The following PIAS1 variants were observed in gnomAD, a reference collection of about 807,000 sequenced individuals.
PIAS1 encodes the protein protein inhibitor of activated STAT 1.
In PIAS1, 6 loss-of-function variants were observed where a neutral mutation model predicts 71.3. The ratio of observed to expected loss-of-function variants is 0.08; its 90% CI spans 0.05 to 0.17. The LOEUF (loss-of-function observed/expected upper bound fraction) is 0.17. Ranked by LOEUF, PIAS1 falls within the 10% of genes least tolerant of loss-of-function variation. The pLI is 1.00. For missense variants in PIAS1, 555 were observed against 793.6 expected, an observed-to-expected ratio of 0.70 and a Z score of 3.61; for synonymous variants, 303 against 292.9, an observed-to-expected ratio of 1.03 and a Z score of -0.35.
intron 1 of PIAS1, among the ~76,000 whole-genome samples, chr15:68,081,926 C>T (rs891185138): frequency 6.6e-6 from 1 of 151,648 alleles, no homozygotes; most frequent in African/African-American, 2.4e-5. Flanking sequence ...AAAGACCAAC[C>T]CCAAGGCACA....
chr15:68,101,074 A>G (rs974380164), intron 2 of PIAS1, among the ~76,000 whole-genome samples: 1 of 151,026 alleles, frequency 6.6e-6, no homozygotes, highest in African/African-American at 2.4e-5. Context: ...AATTCTTTGT[A>G]TTTTCTGTAG....
rs1022832113 is a variant in PIAS1, at chr15:68,129,986, T to C, written c.470-11960T>C. Reference sequence around the variant, plus strand: ...AATCTCTTGTGGTTTTAATTTTTGTTTTTTACAGTGAGTATTGCATATTTT... The same window carrying C: ...AATCTCTTGTGGTTTTAATTTTTGTCTTTTACAGTGAGTATTGCATATTTT... On this transcript the variant is annotated intron_variant, in intron 2 of 13. Coordinates refer to ENST00000249636, the MANE Select transcript of PIAS1 (RefSeq NM_016166.3). 2.0e-5 allele frequency among the ~76,000 whole-genome samples: 3 copies of C among 152,202 alleles called. No homozygotes were observed. In the East Asian group the frequency reaches 5.8e-4, roughly 29 times the overall value.
chr15:68,145,737 T>C (rs764968936), intron 4 of PIAS1, 79 bp from the exon 5 acceptor site: 7 of 828,228 alleles, frequency 8.5e-6, no homozygotes, highest in Middle Eastern at 3.2e-4. Context: ...TTACCATCTT[T>C]TAAATTTATC....
At chr15:68,141,611 C>A (rs1408699218) in intron 2 of PIAS1, among the ~76,000 whole-genome samples, 1 of 152,054 alleles carries the variant, frequency 6.6e-6, no homozygotes, top group Non-Finnish European at 1.5e-5. Context: ...TTATATCATT[C>A]TATTTTAAAT....
chr15:68,134,742 C>T (rs1277769491), intron 2 of PIAS1, among the ~76,000 whole-genome samples: 2 of 39,876 alleles, frequency 5.0e-5, no homozygotes, highest in Non-Finnish European at 9.7e-5. Context: ...CCCTCCCGGA[C>T]GGGGCGGCTG....
intron 1 of PIAS1, among the ~76,000 whole-genome samples, chr15:68,076,357 A>G (rs1003792528): frequency 1.3e-5 from 2 of 151,950 alleles, no homozygotes; most frequent in Non-Finnish European, 2.9e-5. Flanking sequence ...AATATAAAAG[A>G]TTAGCCAGGC....
chr15:68,114,314 T>C (rs1373627471), intron 2 of PIAS1, among the ~76,000 whole-genome samples: 1 of 152,108 alleles, frequency 6.6e-6, no homozygotes, highest in African/African-American at 2.4e-5. Context: ...TATTCTTTCC[T>C]TTAAAAATTC....
At chr15:68,180,577 A>G (rs896841867) in intron 11 of PIAS1, among the ~76,000 whole-genome samples, 1 of 151,060 alleles carries the variant, frequency 6.6e-6, no homozygotes. Flanking sequence ...AAAACTCTCC[A>G]CTACCTATTC....
chr15:68,067,336 T>C lies in PIAS1; in HGVS notation c.24+12986T>C, dbSNP rs867314871. ...TGCCTTTCTTTAGTATTCCCCTCTCTAGGCATTTGTAGGTTGTAGCTTCCT... is the reference window on the plus strand; with the variant it reads ...TGCCTTTCTTTAGTATTCCCCTCTCCAGGCATTTGTAGGTTGTAGCTTCCT... On this transcript the variant is annotated intron_variant, in intron 1 of 13. Coordinates refer to ENST00000249636, the MANE Select transcript of PIAS1 (RefSeq NM_016166.3). 1.7e-4 allele frequency among the ~76,000 whole-genome samples: 26 copies of C among 152,328 alleles called. 1 individual carries two copies. The Middle Eastern group carries it at 0.037, about 219-fold the overall frequency.
rs1362387377 is a variant in PIAS1 at position 68,193,571 on chromosome 15, C to G, written c.*5736C>G. ...GAAATATGGAAGATGGTTCTAGCCC[C>G]CAAATACAGAATAAGTCTCTTGGTA... On this transcript the variant is annotated 3_prime_UTR_variant, in exon 14 of 14. Transcript: ENST00000249636. 1 of 155,412 alleles carries G rather than the reference C, an allele frequency of 6.4e-6. No individual in the cohort carries two copies. Among genetic ancestry groups the G allele is most frequent in the Non-Finnish European group, 1.4e-5 (1 of 70,166 alleles). 9.6% of individuals were successfully genotyped at this position (155,412 alleles called of 1,614,324 possible).
chr15:68,176,698 A>C, intron 11 of PIAS1, 44 bp downstream of exon 11: 3 of 1,355,476 alleles, frequency 2.2e-6, no homozygotes, highest in Non-Finnish European at 3.0e-6. Flanking sequence ...CATGAAAATT[A>C]ACTTGGCAAA....
intron 2 of PIAS1, among the ~76,000 whole-genome samples, chr15:68,127,163 A>G (rs6494717): frequency 6.6e-6 from 1 of 151,990 alleles, no homozygotes; most frequent in Non-Finnish European, 1.5e-5. Flanking sequence ...TGACCTTGTG[A>G]TCTGCCCGCC....
intron 2 of PIAS1, among the ~76,000 whole-genome samples, chr15:68,120,887 C>T (rs753760834): frequency 6.6e-6 from 1 of 152,022 alleles, no homozygotes; most frequent in Non-Finnish European, 1.5e-5. Context: ...ACTCCTGACT[C>T]GGCCTCGCAA....
At chr15:68,091,951 G>C (rs2092335047) in intron 2 of PIAS1, among the ~76,000 whole-genome samples, 1 of 152,136 alleles carries the variant, frequency 6.6e-6, no homozygotes, top group Non-Finnish European at 1.5e-5. Context: ...TTGGAAAATT[G>C]TTAAGTCGAG....
In PIAS1 at chr15:68,191,627, T is replaced by G. The variant is rs1326694180; in HGVS notation, c.*3792T>G. 6.6e-6 allele frequency: 1 copy of G among 152,652 alleles called. No individual in the cohort carries two copies. The highest frequency in any genetic ancestry group is 2.4e-5 in the African/African-American group (1 of 41,462). 9.5% of individuals were successfully genotyped at this position (152,652 alleles called of 1,614,324 possible). A position where few individuals can be genotyped will look rare whatever the true frequency, so the allele number is the denominator to read the frequency against. On this transcript the variant is annotated 3_prime_UTR_variant, in exon 14 of 14. Coordinates refer to ENST00000249636, the MANE Select transcript of PIAS1 (RefSeq NM_016166.3). ...AGCATGCTTTGAGGTAAGTAATGAA[T>G]ATAGCCATCATTTCCCTTTCTTGTT...
At chr15:68,141,507 T>C (rs1225984079) in intron 2 of PIAS1, among the ~76,000 whole-genome samples, 4 of 152,172 alleles carry the variant, frequency 2.6e-5, no homozygotes, top group Non-Finnish European at 5.9e-5. Context: ...AAATTCTTAA[T>C]TTACTTTATA....
intron 2 of PIAS1, among the ~76,000 whole-genome samples, chr15:68,122,287 T>A (rs922553058): frequency 6.6e-6 from 1 of 152,006 alleles, no homozygotes; most frequent in Middle Eastern, 3.2e-3. Flanking sequence ...AGACAAAAAA[T>A]AAACAAACAA....
chr15:68,146,963 G>T (rs2092811997), intron 6 of PIAS1, among the ~76,000 whole-genome samples: 1 of 152,054 alleles, frequency 6.6e-6, no homozygotes, highest in African/African-American at 2.4e-5. Flanking sequence ...TTTAAGTGAT[G>T]ATATCATATT....
chr15:68,092,173 AT>A (rs977331551), intron 2 of PIAS1, among the ~76,000 whole-genome samples: 50 of 151,428 alleles, frequency 3.3e-4, no homozygotes, highest in African/African-American at 1.2e-3. Flanking sequence ...AGTGTTACTT[AT>A]TTTTTTTCTT....
Sources: allele counts gnomAD v4.1 joint callset (sites outside exome capture counted in the v4.1 genomes callset), GRCh38; gene constraint gnomAD v4.1.1; transcripts MANE v1.5; gene names NCBI Gene and HGNC (gene_info 2026-07-23, HGNC 2026-07-21).